The following DNAH14 variants were observed in gnomAD, a reference collection of about 807,000 sequenced individuals.
DNAH14 encodes axonemal beta dynein heavy chain 14.
A neutral mutation model predicts 520.9 loss-of-function variants in DNAH14; 478 were observed. That is an observed-to-expected ratio of 0.92 (90% CI 0.85 to 0.99). The LOEUF is 0.99. DNAH14 is among the 50% of genes least tolerant of loss of function. The pLI is 0.00. For synonymous variants in DNAH14, 1,581 were observed against 1,757.2 expected, an observed-to-expected ratio of 0.90 and a Z score of 2.51; for missense variants, 4,831 against 5,234.5, an observed-to-expected ratio of 0.92 and a Z score of 2.38.
intron 17 of DNAH14, among the ~76,000 whole-genome samples, chr1:225,057,058 A>G (rs1386783246): frequency 8.5e-5 from 13 of 152,130 alleles, no homozygotes; most frequent in Admixed American, 6.5e-4. Context: ...TTTTTTTCCA[A>G]TTCTGTGAAG....
At chr1:225,298,571 A>G (rs1013698827) in intron 55 of DNAH14, among the ~76,000 whole-genome samples, 5 of 152,184 alleles carry the variant, frequency 3.3e-5, no homozygotes, top group African/African-American at 1.2e-4. Context: ...ATAGACACCC[A>G]TGTGGACTTG....
intron 38 of DNAH14, among the ~76,000 whole-genome samples, chr1:225,198,698 C>T (rs1428480929): frequency 6.6e-6 from 1 of 152,136 alleles, no homozygotes; most frequent in Non-Finnish European, 1.5e-5. Flanking sequence ...ACCCACTGAT[C>T]ATGGTGGATT....
At position 225,080,480 on chromosome 1, in the gene DNAH14, TA is replaced by T; in HGVS notation, c.2871del (p.Ala958HisfsTer39). On this transcript the variant is annotated frameshift_variant, in exon 19 of 86. Transcript: ENST00000682510. LOFTEE classifies it high-confidence loss of function. ...GEAASLTNKAKAYSHYQDCFS... is the reference protein window; with the variant it reads ...GEAASLTNKAXAYSHYQDCFS... ...AAGCTGCAAGTTTAACTAACAAAGC[TA>T]AAGCATATTCACATTATCAGGATTG... is the stretch of plus-strand genomic sequence containing the variant. 6.4e-7 allele frequency: 1 copy of T among 1,551,788 alleles called. No homozygotes were observed. Among genetic ancestry groups the T allele is most frequent in the Non-Finnish European group, 8.7e-7 (1 of 1,147,014 alleles).
At chr1:225,227,584 C>T (rs1392494532) in intron 41 of DNAH14, among the ~76,000 whole-genome samples, 2 of 152,098 alleles carry the variant, frequency 1.3e-5, no homozygotes, top group East Asian at 1.9e-4. Flanking sequence ...CTCTTTCTTT[C>T]CCCCACACAT....
At chr1:225,143,875 G>A (rs2079673782) in intron 28 of DNAH14, among the ~76,000 whole-genome samples, 1 of 152,156 alleles carries the variant, frequency 6.6e-6, no homozygotes, top group Non-Finnish European at 1.5e-5. Flanking sequence ...GTTCATAAAT[G>A]TAACTCAAAA....
chr1:225,389,725 T>G lies in DNAH14; in HGVS notation c.13191-9T>G. On this transcript the variant is annotated splice_polypyrimidine_tract_variant and intron_variant, in intron 82 of 85. Coordinates refer to ENST00000682510, the MANE Select transcript of DNAH14 (RefSeq NM_001367479.1). ...CTTAACCCCCAACCTGTGGTCTGCC[T>G]TCCACTAGGTATATGAGATTTGTCA... The G allele has an allele frequency of 6.4e-7, 1 of 1,552,026 alleles. No homozygotes were observed. The highest frequency in any genetic ancestry group is 8.7e-7 in the Non-Finnish European group (1 of 1,146,974).
intron 35 of DNAH14, among the ~76,000 whole-genome samples, chr1:225,161,575 C>T (rs1416434337): frequency 6.6e-6 from 1 of 152,092 alleles, no homozygotes; most frequent in Non-Finnish European, 1.5e-5. Flanking sequence ...AGTTTTTTGA[C>T]CAACCTCCAA....
intron 79 of DNAH14, among the ~76,000 whole-genome samples, chr1:225,379,016 G>C (rs879835490): frequency 6.6e-6 from 1 of 152,244 alleles, no homozygotes; most frequent in African/African-American, 2.4e-5. Context: ...CGGGGCCCTG[G>C]TTTCATCATC....
chr1:224,997,017 C>T (rs1183400003), intron 8 of DNAH14, among the ~76,000 whole-genome samples: 1 of 151,948 alleles, frequency 6.6e-6, no homozygotes, highest in Non-Finnish European at 1.5e-5. Context: ...GGATATAAGC[C>T]AGGTAGAATG....
At chr1:225,180,586 A>G (rs186287383) in intron 36 of DNAH14, among the ~76,000 whole-genome samples, 7 of 152,232 alleles carry the variant, frequency 4.6e-5, no homozygotes, top group Non-Finnish European at 8.8e-5. Flanking sequence ...TGAAGGAACT[A>G]TTAGAGTGAG....
chr1:225,097,876 C>A (rs1328526376), intron 22 of DNAH14, among the ~76,000 whole-genome samples: 3 of 152,014 alleles, frequency 2.0e-5, no homozygotes, highest in Admixed American at 2.0e-4. Flanking sequence ...GAATAATAAA[C>A]ATGTTTTTAG....
At chr1:225,236,728 A>G (rs1297225216) in intron 42 of DNAH14, among the ~76,000 whole-genome samples, 1 of 152,150 alleles carries the variant, frequency 6.6e-6, no homozygotes, top group Non-Finnish European at 1.5e-5. Flanking sequence ...GTAGTTTAAT[A>G]GGAATAGCAT....
At chr1:225,338,008 A>G in intron 67 of DNAH14, 53 bp from the exon 68 acceptor site, 1 of 1,462,950 alleles carries the variant, frequency 6.8e-7, no homozygotes, top group Non-Finnish European at 9.0e-7. Context: ...TTTTTTTTTC[A>G]ACCAATTTGT....
chr1:225,373,630 A>G (rs1232681545), intron 77 of DNAH14, among the ~76,000 whole-genome samples: 1 of 152,178 alleles, frequency 6.6e-6, no homozygotes, highest in Non-Finnish European at 1.5e-5. Flanking sequence ...CTGTGTAAGG[A>G]TACACAAGAA....
intron 58 of DNAH14, among the ~76,000 whole-genome samples, chr1:225,305,933 A>T (rs904840298): frequency 3.3e-5 from 5 of 152,146 alleles, no homozygotes; most frequent in Admixed American, 6.6e-5. Context: ...CATGACTATG[A>T]CTCCCACTTG....
At chr1:225,307,667 A>T in intron 59 of DNAH14, 98 bp downstream of exon 59, 1 of 932,510 alleles carries the variant, frequency 1.1e-6, no homozygotes, top group Non-Finnish European at 1.5e-6. Context: ...ACAGGCTAGA[A>T]TTCCAGCTTT....
At chr1:225,187,124 G>T (rs564234613) in intron 37 of DNAH14, among the ~76,000 whole-genome samples, 1 of 151,552 alleles carries the variant, frequency 6.6e-6, no homozygotes, top group Non-Finnish European at 1.5e-5. Flanking sequence ...GTAATTGCTG[G>T]TTGGCATGGT....
chr1:224,964,564 G>C lies in DNAH14; in HGVS notation c.453G>C (p.Leu151Phe). ...AAACTATATTACCGCAGCACAGTTT[G>C]AAATACGGAAGCTCCAAAATTGCAA... ...GWQTILPQHS[L>F]KYGSSKIAIQ... The change falls in exon 5 of 86, where the codon TTG becomes TTC. Residue 151 changes from leucine to phenylalanine, a missense_variant. Coordinates refer to ENST00000682510, the MANE Select transcript of DNAH14 (RefSeq NM_001367479.1). 1 of 1,605,002 alleles carries C rather than the reference G, an allele frequency of 6.2e-7. No homozygotes were observed. Among genetic ancestry groups the C allele is most frequent in the Non-Finnish European group, 8.5e-7 (1 of 1,174,882 alleles).
At chr1:225,297,167 G>T (rs1188482487) in intron 55 of DNAH14, among the ~76,000 whole-genome samples, 1 of 151,794 alleles carries the variant, frequency 6.6e-6, no homozygotes, top group East Asian at 1.9e-4. Flanking sequence ...GCTCTCAATT[G>T]TATATATTTT....
Sources: gnomAD v4.1 joint callset for allele counts (sites outside exome capture counted in the v4.1 genomes callset) on GRCh38, gnomAD v4.1.1 for gene constraint, MANE v1.5 for transcripts, NCBI Gene and HGNC (gene_info 2026-07-23, HGNC 2026-07-21) for gene names.